Variants in PLD1 observed in about 807,000 individuals in gnomAD.
PLD1 encodes the protein phospholipase D1.
A neutral mutation model predicts 137.1 loss-of-function variants in PLD1; 112 were observed. The observed-to-expected ratio is 0.82, with a 90% CI of 0.70 to 0.96. PLD1 has a LOEUF of 0.96. Ranked by LOEUF, PLD1 falls within the 40% of genes least tolerant of loss-of-function variation. The pLI, the probability that PLD1 is intolerant of heterozygous loss-of-function variation, is 0.00. For synonymous variants in PLD1, 431 were observed against 454.7 expected, an observed-to-expected ratio of 0.95 and a Z score of 0.66; for missense variants, 1,321 against 1,342.0, an observed-to-expected ratio of 0.98 and a Z score of 0.24.
intron 24 of PLD1, among the ~76,000 whole-genome samples, chr3:171,613,488 A>C (rs1732850786): frequency 6.6e-6 from 1 of 152,222 alleles, no homozygotes; most frequent in Non-Finnish European, 1.5e-5. Flanking sequence ...CATAACTGTG[A>C]ATGTCAAAAC....
intron 21 of PLD1, among the ~76,000 whole-genome samples, chr3:171,651,840 C>T (rs1019031331): frequency 4.6e-5 from 7 of 152,144 alleles, no homozygotes; most frequent in African/African-American, 1.7e-4. Flanking sequence ...TTTTAAGTCT[C>T]CTTCTTCCTT....
rs761488459 is a variant in PLD1, at chr3:171,612,253, A to AGAGAGACACACTTTGGCG, written c.2882+8_2882+25dup. On this transcript the variant is annotated intron_variant, in intron 25 of 26. Transcript: ENST00000351298. The surrounding 1 kb of genome is among the most constrained non-coding windows in gnomAD (Gnocchi z 4.1). ...GCGACTGCTGCAGTGGAAATGCATC[A>AGAGAGACACACTTTGGCG]GAGAGACACACTTTGGCGGACTGAC... 48 of 1,609,332 alleles carry AGAGAGACACACTTTGGCG rather than the reference A, an allele frequency of 3.0e-5. No homozygotes were observed. The highest frequency in any genetic ancestry group is 1.7e-4 in the Middle Eastern group (1 of 6,046).
chr3:171,678,642 C>A (rs548877181), intron 16 of PLD1, among the ~76,000 whole-genome samples: 1 of 152,344 alleles, frequency 6.6e-6, no homozygotes, highest in Admixed American at 6.5e-5. Flanking sequence ...GAGGACTACA[C>A]TGGTCCTGCC....
At chr3:171,624,359 T>C (rs1000426513) in intron 23 of PLD1, among the ~76,000 whole-genome samples, 34 of 152,208 alleles carry the variant, frequency 2.2e-4, no homozygotes, top group Admixed American at 1.5e-3. Flanking sequence ...AAATAAAAAG[T>C]ACGACAACAT....
At chr3:171,735,695 T>A (rs1719306660) in intron 3 of PLD1, 58 bp from the exon 4 acceptor site, 1 of 983,070 alleles carries the variant, frequency 1.0e-6, no homozygotes, top group African/African-American at 1.6e-5. Flanking sequence ...TTCCAAAAGC[T>A]TTCAGTGAAC....
chr3:171,647,356 T>C (rs1369098470), intron 21 of PLD1, among the ~76,000 whole-genome samples: 1 of 152,084 alleles, frequency 6.6e-6, no homozygotes, highest in Admixed American at 6.5e-5. Context: ...ATTACATACA[T>C]TTTTTTCTTT....
intron 1 of PLD1, among the ~76,000 whole-genome samples, chr3:171,743,693 T>G (rs1431898366): frequency 2.6e-5 from 4 of 152,132 alleles, no homozygotes; most frequent in East Asian, 3.9e-4. Flanking sequence ...ACACAGCATT[T>G]TGCATATATT....
At position 171,699,733 on chromosome 3, in the gene PLD1, G is replaced by A; in HGVS notation, c.1227+12C>T. 1 of 1,589,684 alleles carries A rather than the reference G, an allele frequency of 6.3e-7. No homozygotes were observed. The highest frequency in any genetic ancestry group is 8.6e-7 in the Non-Finnish European group (1 of 1,159,160). ...AAAAAATTATATCAGCATTTTCTGG[G>A]AAAGTACATACTGCTTTTCGTTTAA... On this transcript the variant is annotated intron_variant, in intron 12 of 26. Coordinates refer to ENST00000351298, the MANE Select transcript of PLD1 (RefSeq NM_002662.5).
intron 1 of PLD1, among the ~76,000 whole-genome samples, chr3:171,804,172 G>A (rs985044067): frequency 1.3e-5 from 2 of 151,850 alleles, no homozygotes; most frequent in Non-Finnish European, 2.9e-5. Context: ...ATGTTTTTCT[G>A]CTCCAAGTCA....
Position 171,642,743 on chromosome 3 carries a change from C to G in PLD1, c.2593+97G>C. ...CATTTTGTGGGGTACCTTTTATAAACAGAGTTCTATAATCACACTGTGAAA... is the reference window on the plus strand; with the variant it reads ...CATTTTGTGGGGTACCTTTTATAAAGAGAGTTCTATAATCACACTGTGAAA... On this transcript the variant is annotated intron_variant, in intron 23 of 26. Coordinates refer to ENST00000351298, the MANE Select transcript of PLD1 (RefSeq NM_002662.5). 1.9e-5 allele frequency: 13 copies of G among 698,664 alleles called. No homozygotes were observed. In the South Asian group the frequency reaches 2.4e-4, roughly 13 times the overall value. The allele number at this position is 698,664 out of a possible 1,614,324, so 43.3% of individuals were successfully genotyped here.
intron 19 of PLD1, among the ~76,000 whole-genome samples, chr3:171,667,514 T>G (rs1162414342): frequency 6.6e-6 from 1 of 152,122 alleles, no homozygotes; most frequent in African/African-American, 2.4e-5. Context: ...GTGAAAGAAG[T>G]CCTAGGAAAC....
intron 11 of PLD1, among the ~76,000 whole-genome samples, chr3:171,708,484 A>G (rs181356994): frequency 1.3e-5 from 2 of 152,364 alleles, no homozygotes; most frequent in Admixed American, 1.3e-4. Context: ...ATTACAGTAT[A>G]ATCTTTACTG....
chr3:171,646,132 A>C (rs529180363), intron 21 of PLD1, among the ~76,000 whole-genome samples: 2 of 152,288 alleles, frequency 1.3e-5, no homozygotes, highest in South Asian at 4.1e-4. Context: ...CAGAATCAAA[A>C]GCTATTAACG....
intron 3 of PLD1, among the ~76,000 whole-genome samples, chr3:171,735,843 A>T (rs1719316773): frequency 6.6e-6 from 1 of 152,210 alleles, no homozygotes; most frequent in African/African-American, 2.4e-5. Context: ...ATTACATAAG[A>T]CAAACTTTCA....
intron 1 of PLD1, among the ~76,000 whole-genome samples, chr3:171,784,068 A>T (rs1722898188): frequency 6.6e-6 from 1 of 152,172 alleles, no homozygotes; most frequent in Non-Finnish European, 1.5e-5. Context: ...TTGACTTCAT[A>T]TTCTTAAAAA....
chr3:171,653,367 T>C (rs1736938536), intron 21 of PLD1: 1 of 152,258 alleles, frequency 6.6e-6, no homozygotes, highest in South Asian at 2.1e-4. Context: ...ACACATATTA[T>C]GCTTCAGAAT....
intron 1 of PLD1, among the ~76,000 whole-genome samples, chr3:171,800,264 A>C (rs2108358388): frequency 6.6e-6 from 1 of 152,228 alleles, no homozygotes; most frequent in South Asian, 2.1e-4. Flanking sequence ...GCTGGAGTGA[A>C]GTGGCGTGAT....
intron 23 of PLD1, among the ~76,000 whole-genome samples, chr3:171,624,420 T>A (rs73883009): frequency 3.3e-5 from 5 of 152,178 alleles, no homozygotes; most frequent in Non-Finnish European, 7.3e-5. Flanking sequence ...ATATTGGTGA[T>A]GAAAATGCAA....
At position 171,737,636 on chromosome 3, in the gene PLD1, A is replaced by C; in HGVS notation, c.184T>G (p.Tyr62Asp). 2 of 1,576,038 alleles carry C rather than the reference A, an allele frequency of 1.3e-6. No homozygotes were observed. The highest frequency in any genetic ancestry group is 1.7e-5 in the Admixed American group (1 of 58,892). The change falls in exon 3 of 27, where the codon TAT becomes GAT. Residue 62 changes from tyrosine (Y) to aspartate (D), a missense_variant. Tyr to Asp is a radical substitution (Grantham distance 160). Coordinates refer to ENST00000351298, the MANE Select transcript of PLD1 (RefSeq NM_002662.5). ...GGCTCCTTAAATCCTTGAGTGTTATAAATAGCAGAGAAAGGGATATACACT... is the reference window on the plus strand; with the variant it reads ...GGCTCCTTAAATCCTTGAGTGTTATCAATAGCAGAGAAAGGGATATACACT... ...QEVYIPFSAI[Y>D]NTQGFKEPNI...
Sources: gnomAD v4.1 joint callset for allele counts (sites outside exome capture counted in the v4.1 genomes callset) on GRCh38, gnomAD v4.1.1 for gene constraint, Gnocchi (gnomAD v3.1) non-coding constraint, MANE v1.5 for transcripts, NCBI Gene and HGNC (gene_info 2026-07-23, HGNC 2026-07-21) for gene names.